Variants in MCTP1 observed in about 807,000 individuals in gnomAD.
The protein encoded by MCTP1 is multiple C2 and transmembrane domain containing 1, also known as multiple C2 and transmembrane domain-containing protein 1.
MCTP1 carries 69 observed loss-of-function variants against 120.6 expected under a neutral mutation model. The ratio of observed to expected loss-of-function variants is 0.57; its 90% CI spans 0.47 to 0.70. MCTP1 has a LOEUF of 0.70. Among genes scored for constraint, MCTP1 ranks in the 30% least tolerant of loss-of-function variants. The pLI, the probability that MCTP1 is intolerant of heterozygous loss-of-function variation, is 0.00. For missense variants in MCTP1, 1,203 were observed against 1,248.8 expected (o/e 0.96, Z 0.55); for synonymous variants, 529 against 493.1 (o/e 1.07, Z -0.96).
intron 2 of MCTP1, among the ~76,000 whole-genome samples, chr5:95,009,791 A>G (rs1449050715): frequency 2.6e-5 from 4 of 152,162 alleles, no homozygotes; most frequent in African/African-American, 9.6e-5. Flanking sequence ...CGTACTTTCT[A>G]ATTCATTATG....
intron 17 of MCTP1, among the ~76,000 whole-genome samples, chr5:94,841,769 T>A (rs892026759): frequency 1.3e-5 from 2 of 152,128 alleles, no homozygotes; most frequent in Non-Finnish European, 2.9e-5. Context: ...GTGGAACACA[T>A]TGTTAAAATG....
chr5:94,748,872 G>A (rs980079901), intron 19 of MCTP1, among the ~76,000 whole-genome samples: 1 of 152,172 alleles, frequency 6.6e-6, no homozygotes, highest in Admixed American at 6.5e-5. Flanking sequence ...ATATTACCTT[G>A]ACTGGACACG....
At chr5:94,811,815 A>G (rs1783487672) in intron 17 of MCTP1, among the ~76,000 whole-genome samples, 1 of 152,196 alleles carries the variant, frequency 6.6e-6, no homozygotes, top group Non-Finnish European at 1.5e-5. Context: ...TTTCAGCCAA[A>G]ATAGTTCCTG....
chr5:94,936,238 GA>G (rs34826731), intron 5 of MCTP1, among the ~76,000 whole-genome samples: 1 of 151,276 alleles, frequency 6.6e-6, no homozygotes, highest in Non-Finnish European at 1.5e-5. Flanking sequence ...ATTGAGGTAA[GA>G]AAAAAAACCA....
chr5:95,284,287 G>A lies in MCTP1; in HGVS notation c.289C>T (p.Pro97Ser). ...VLDRVFSSSQ[P>S]NLCCSSPEPL... ...TCCGGCGACGAGCAGCACAGGTTGG[G>A]CTGCGAGGAGGAGAAGACTCGGTCC... Residue 97 changes from proline (P) to serine (S), a missense_variant, in exon 1 of 23, where the codon CCC becomes TCC. Physicochemically the swap from Pro to Ser is moderately conservative, Grantham distance 74. Around this residue, in one of 2 missense-constraint regions of MCTP1, gnomAD observed 463 missense variants for 377.8 expected, o/e 1.23. Transcript: ENST00000515393. This position sits in a 1 kb window ranked among gnomAD's most constrained non-coding sequence, Gnocchi z 5.2. The A allele has an allele frequency of 6.3e-7, 1 of 1,596,976 alleles. No homozygotes were observed. Among genetic ancestry groups the A allele is most frequent in the Non-Finnish European group, 8.5e-7 (1 of 1,178,830 alleles).
At chr5:94,939,940 G>A (rs1817167568) in intron 5 of MCTP1, 144 bp downstream of exon 5, 2 of 470,562 alleles carry the variant, frequency 4.3e-6, no homozygotes, top group Non-Finnish European at 7.7e-6. Flanking sequence ...AAGCATGAAT[G>A]AGCAATACCT....
chr5:94,998,395 T>A (rs758697949), intron 2 of MCTP1, among the ~76,000 whole-genome samples: 2 of 152,176 alleles, frequency 1.3e-5, no homozygotes, highest in Non-Finnish European at 2.9e-5. Context: ...TCCTGCATTG[T>A]TAACTACTAT....
chr5:95,216,668 C>T (rs1250388295), intron 1 of MCTP1, among the ~76,000 whole-genome samples: 1 of 152,128 alleles, frequency 6.6e-6, no homozygotes, highest in Admixed American at 6.6e-5. Context: ...GTCACACAAA[C>T]TGAGAAGTGA....
At chr5:94,884,340 G>A (rs1183959103) in intron 12 of MCTP1, among the ~76,000 whole-genome samples, 1 of 152,168 alleles carries the variant, frequency 6.6e-6, no homozygotes, top group Non-Finnish European at 1.5e-5. Context: ...CTGAGCCAGA[G>A]CTGTGAGCTC....
intron 2 of MCTP1, among the ~76,000 whole-genome samples, chr5:94,985,772 G>A (rs1830316312): frequency 6.6e-6 from 1 of 152,138 alleles, no homozygotes. Flanking sequence ...CATAGTTGCT[G>A]CCATTCTGCA....
intron 14 of MCTP1, 77 bp downstream of exon 14, chr5:94,871,238 G>A (rs1325669689): frequency 2.1e-6 from 2 of 933,564 alleles, no homozygotes; most frequent in East Asian, 2.5e-5. Flanking sequence ...ACACAGAGCT[G>A]AGAGTTTTCT....
chr5:95,087,323 G>T (rs908193280), intron 1 of MCTP1, among the ~76,000 whole-genome samples: 1 of 152,158 alleles, frequency 6.6e-6, no homozygotes, highest in East Asian at 1.9e-4. Context: ...ATAGATAAAG[G>T]CAACTTCAAT....
chr5:94,847,682 GTATATATATA>G (rs373174876), intron 17 of MCTP1, among the ~76,000 whole-genome samples: 4 of 102,406 alleles, frequency 3.9e-5, no homozygotes, highest in African/African-American at 1.5e-4. Flanking sequence ...GTGTGTGTGT[GTATATATATA>G]TATATATATA....
intron 1 of MCTP1, among the ~76,000 whole-genome samples, chr5:95,271,150 A>G (rs1218856580): frequency 3.3e-5 from 5 of 152,236 alleles, no homozygotes; most frequent in African/African-American, 1.2e-4. Context: ...AAAATATGAA[A>G]TGGGCATTTG....
At chr5:94,758,451 A>AAG (rs1361839728) in intron 19 of MCTP1, among the ~76,000 whole-genome samples, 5 of 152,270 alleles carry the variant, frequency 3.3e-5, no homozygotes, top group African/African-American at 1.2e-4. Flanking sequence ...ATCTCTTAAA[A>AAG]AGGAGAGAGA....
chr5:95,046,712 T>C (rs1744636868), intron 1 of MCTP1, among the ~76,000 whole-genome samples: 1 of 152,102 alleles, frequency 6.6e-6, no homozygotes, highest in African/African-American at 2.4e-5. Flanking sequence ...ATCCTTCCTC[T>C]CCCTGCAGTT....
At chr5:94,945,854 CA>C (rs1160485178) in intron 3 of MCTP1, among the ~76,000 whole-genome samples, 1 of 152,118 alleles carries the variant, frequency 6.6e-6, no homozygotes, top group Non-Finnish European at 1.5e-5. Context: ...GTGTCTTCTG[CA>C]AGGGGGGAAG....
At chr5:95,019,248 T>C (rs1216398138) in intron 1 of MCTP1, among the ~76,000 whole-genome samples, 1 of 152,104 alleles carries the variant, frequency 6.6e-6, no homozygotes, top group East Asian at 1.9e-4. Context: ...TTAACACATC[T>C]TTCACCTCAC....
intron 1 of MCTP1, among the ~76,000 whole-genome samples, chr5:95,099,614 C>T (rs1340292681): frequency 6.8e-6 from 1 of 147,576 alleles, no homozygotes; most frequent in Non-Finnish European, 1.5e-5. Flanking sequence ...ATTAAAAAGT[C>T]AGGAAACAAC....
Sources: allele counts gnomAD v4.1 joint callset (sites outside exome capture counted in the v4.1 genomes callset), GRCh38; gene constraint gnomAD v4.1.1; regional missense constraint gnomAD v4.1.1; non-coding constraint Gnocchi (gnomAD v3.1); transcripts MANE v1.5; gene names NCBI Gene and HGNC (gene_info 2026-07-23, HGNC 2026-07-21).